Variants in PARK7 observed in about 807,000 individuals in gnomAD.
PARK7 encodes Parkinson disease protein 7.
A neutral mutation model predicts 20.5 loss-of-function variants in PARK7; 14 were observed. That is an observed-to-expected ratio of 0.68 (90% CI 0.45 to 1.07). PARK7 has a LOEUF of 1.07. Among genes scored for constraint, PARK7 ranks in the 50% least tolerant of loss-of-function variants. The pLI is 0.00. For missense variants in PARK7, 234 were observed against 238.1 expected, an observed-to-expected ratio of 0.98 and a Z score of 0.11; for synonymous variants, 98 against 84.3, an observed-to-expected ratio of 1.16 and a Z score of -0.89.
At position 7,985,138 on chromosome 1, in the gene PARK7, A is replaced by T. The variant is rs112196008; in HGVS notation, c.*84A>T. The T allele has an allele frequency of 5.8e-6, 9 of 1,540,524 alleles. No homozygotes were observed. In the African/African-American group the frequency reaches 8.2e-5, roughly 14 times the overall value. ...TGTTCGCTCTAAACAAAACAGTGGTAGGTTAATGTGTTCAGAAGTCGCTGT... is the reference window on the plus strand; with the variant it reads ...TGTTCGCTCTAAACAAAACAGTGGTTGGTTAATGTGTTCAGAAGTCGCTGT... On this transcript the variant is annotated 3_prime_UTR_variant, in exon 7 of 7. Coordinates refer to ENST00000338639, the MANE Select transcript of PARK7 (RefSeq NM_007262.5).
intron 4 of PARK7, among the ~76,000 whole-genome samples, chr1:7,970,284 G>A (rs376695511): frequency 6.6e-6 from 1 of 152,184 alleles, no homozygotes; most frequent in African/African-American, 2.4e-5. Flanking sequence ...AAAGTAAGAT[G>A]ATTTGGTTTT....
chr1:7,983,903 A>G (rs1229809256), intron 6 of PARK7, among the ~76,000 whole-genome samples: 1 of 152,242 alleles, frequency 6.6e-6, no homozygotes, highest in Admixed American at 6.5e-5. Flanking sequence ...ATGAAGACCC[A>G]GCCTTTTTAA....
intron 5 of PARK7, among the ~76,000 whole-genome samples, chr1:7,972,326 A>T (rs528316061): frequency 2.0e-5 from 3 of 151,952 alleles, no homozygotes; most frequent in Non-Finnish European, 4.4e-5. Context: ...AAATTAGCCA[A>T]GCACAGTACT....
chr1:7,969,450 G>GCC, intron 4 of PARK7, 46 bp downstream of exon 4: 3 of 740,552 alleles, frequency 4.1e-6, no homozygotes, highest in South Asian at 1.5e-5. Flanking sequence ...TGGGGGGGGG[G>GCC]AAAAACTAAA....
intron 5 of PARK7, among the ~76,000 whole-genome samples, chr1:7,974,042 G>T (rs1640520523): frequency 6.6e-6 from 1 of 152,018 alleles, no homozygotes; most frequent in Non-Finnish European, 1.5e-5. Flanking sequence ...GGCTGTGGTG[G>T]CTCATAGCTG....
chr1:7,969,709 A>G lies in PARK7; in HGVS notation c.252+305A>G, dbSNP rs180958283. On this transcript the variant is annotated intron_variant, in intron 4 of 6. Transcript: ENST00000338639. ...AGTTCTCCTGCCTCAGCCTCTGAGT[A>G]GCTGGGATTGCAGGCATGCACCCCC... Among the ~76,000 whole-genome samples, 203 of 152,120 alleles carry G rather than the reference A, an allele frequency of 1.3e-3. 1 individual carries two copies. Among genetic ancestry groups the G allele is most frequent in the African/African-American group, 4.5e-3 (188 of 41,496 alleles).
chr1:7,985,170 T>C lies in PARK7; in HGVS notation c.*116T>C. Reference sequence around the variant, plus strand: ...TGTGTTCAGAAGTCGCTGTCCTTACTACTTTTGCGGAAGTATGGAAGTCAC... The same window carrying C: ...TGTGTTCAGAAGTCGCTGTCCTTACCACTTTTGCGGAAGTATGGAAGTCAC... On this transcript the variant is annotated 3_prime_UTR_variant, in exon 7 of 7. Transcript: ENST00000338639. 7.1e-7 allele frequency: 1 copy of C among 1,405,196 alleles called. No homozygotes were observed. The highest frequency in any genetic ancestry group is 1.2e-5 in the South Asian group (1 of 80,886). The allele number at this position is 1,405,196 out of a possible 1,614,324, so 87.0% of individuals were successfully genotyped here.
intron 6 of PARK7, 123 bp downstream of exon 6, chr1:7,977,861 G>T (rs1285752019): frequency 4.8e-5 from 38 of 789,084 alleles, no homozygotes; most frequent in Non-Finnish European, 7.3e-5. Context: ...CCGGGTTCAA[G>T]CGATTCTTCT....
chr1:7,969,741 T>G (rs185174116), intron 4 of PARK7, among the ~76,000 whole-genome samples: 1 of 152,086 alleles, frequency 6.6e-6, no homozygotes, highest in Non-Finnish European at 1.5e-5. Context: ...CCCCATGCCC[T>G]GCTAATTTTT....
rs183672729 is a variant in PARK7 at position 7,964,326 on chromosome 1, T to C, written c.91-998T>C. Among the ~76,000 whole-genome samples, 91 of 152,184 alleles carry C rather than the reference T, an allele frequency of 6.0e-4. 1 individual carries two copies. The highest frequency in any genetic ancestry group is 1.6e-3 in the Admixed American group (25 of 15,274). ...TTGAAGAAACTGAGGCACAGAGACA[T>C]AAATAATGTACCCACATCACGTAGT... On this transcript the variant is annotated intron_variant, in intron 2 of 6. Coordinates refer to ENST00000338639, the MANE Select transcript of PARK7 (RefSeq NM_007262.5).
In PARK7 at chr1:7,965,309, A is replaced by C; in HGVS notation, c.91-15A>C. 1 of 1,605,914 alleles carries C rather than the reference A, an allele frequency of 6.2e-7. No homozygotes were observed. The highest frequency in any genetic ancestry group is 8.5e-7 in the Non-Finnish European group (1 of 1,172,620). ...TGTTTCAGTGTTCTTAAATATGATAACATCTTTCTCGTAGATTAAGGTCAC... is the reference window on the plus strand; with the variant it reads ...TGTTTCAGTGTTCTTAAATATGATACCATCTTTCTCGTAGATTAAGGTCAC... On this transcript the variant is annotated splice_polypyrimidine_tract_variant and intron_variant, in intron 2 of 6. Coordinates refer to ENST00000338639, the MANE Select transcript of PARK7 (RefSeq NM_007262.5).
At position 7,969,372 on chromosome 1, in the gene PARK7, G is replaced by A; in HGVS notation, c.220G>A (p.Gly74Arg). 6.2e-7 allele frequency: 1 copy of A among 1,608,304 alleles called. No homozygotes were observed. The highest frequency in any genetic ancestry group is 8.5e-7 in the Non-Finnish European group (1 of 1,176,114). Residue 74 changes from glycine to arginine, a missense_variant, in exon 4 of 7, where the codon GGA becomes AGA. Coordinates refer to ENST00000338639, the MANE Select transcript of PARK7 (RefSeq NM_007262.5). Reference protein sequence around the residue: ...EGPYDVVVLPGGNLGAQNLSE... With the variant: ...EGPYDVVVLPRGNLGAQNLSE... ...ACCATATGATGTGGTGGTTCTACCA[G>A]GAGGTAATCTGGGCGCACAGAATTT...
At chr1:7,964,717 C>G (rs1328851016) in intron 2 of PARK7, among the ~76,000 whole-genome samples, 1 of 152,190 alleles carries the variant, frequency 6.6e-6, no homozygotes, top group African/African-American at 2.4e-5. Flanking sequence ...TTCCCACTTT[C>G]CCAGTGCCAG....
Position 7,985,078 on chromosome 1 carries a change from TAG to T in PARK7, c.*28_*29del. ...AGAGCAGCGAACTGCGACGATCACTTAGAGAAACAGGCCGTTAGGAATCCATT... is the reference window on the plus strand; with the variant it reads ...AGAGCAGCGAACTGCGACGATCACTTAGAAACAGGCCGTTAGGAATCCATT... On this transcript the variant is annotated 3_prime_UTR_variant, in exon 7 of 7. Transcript: ENST00000338639. The T allele has an allele frequency of 6.2e-7, 1 of 1,611,522 alleles. No homozygotes were observed. The highest frequency in any genetic ancestry group is 8.5e-7 in the Non-Finnish European group (1 of 1,179,028).
intron 1 of PARK7, chr1:7,962,037 A>G (rs985542545): frequency 6.6e-6 from 1 of 152,276 alleles, no homozygotes. Flanking sequence ...TCTCGCCGGC[A>G]TGGAACTGGC....
In PARK7 at chr1:7,965,304, T is replaced by C. The variant is rs751111200; in HGVS notation, c.91-20T>C. ...ATTTATGTTTCAGTGTTCTTAAATA[T>C]GATAACATCTTTCTCGTAGATTAAG... On this transcript the variant is annotated intron_variant, in intron 2 of 6. Transcript: ENST00000338639. 3 of 1,599,594 alleles carry C rather than the reference T, an allele frequency of 1.9e-6. No homozygotes were observed. The highest frequency in any genetic ancestry group is 1.7e-5 in the Admixed American group (1 of 60,002).
intron 6 of PARK7, 129 bp downstream of exon 6, chr1:7,977,867 C>G: frequency 1.3e-6 from 1 of 753,384 alleles, no homozygotes; most frequent in Non-Finnish European, 2.3e-6. Context: ...TCAAGCGATT[C>G]TTCTCTCTCA....
chr1:7,969,942 A>G lies in PARK7; in HGVS notation c.252+538A>G, dbSNP rs537359808. On this transcript the variant is annotated intron_variant, in intron 4 of 6. Transcript: ENST00000338639. The stretch of plus-strand genomic sequence containing the variant: ...GCAGTGGCTCAACGTCTATAATCCC[A>G]GTGGTTTGGGAGGCTGAGACAGGAG... 5.3e-5 allele frequency among the ~76,000 whole-genome samples: 8 copies of G among 152,246 alleles called. No individual in the cohort carries two copies. The East Asian group carries it at 1.4e-3, about 26-fold the overall frequency.
At chr1:7,963,760 TCTTC>T (rs1404978477) in intron 2 of PARK7, among the ~76,000 whole-genome samples, 1 of 151,910 alleles carries the variant, frequency 6.6e-6, no homozygotes, top group Non-Finnish European at 1.5e-5. Flanking sequence ...CTATGCCCCT[TCTTC>T]CTTCCTTAAA....
Sources: allele counts gnomAD v4.1 joint callset (sites outside exome capture counted in the v4.1 genomes callset), GRCh38; gene constraint gnomAD v4.1.1; transcripts MANE v1.5; gene names NCBI Gene and HGNC (gene_info 2026-07-23, HGNC 2026-07-21).